PAX7: variants seen among roughly 807,000 people sequenced by gnomAD.
PAX7 encodes paired box 7.
In PAX7, 18 loss-of-function variants were observed where a neutral mutation model predicts 50.7. The ratio of observed to expected loss-of-function variants is 0.36; its 90% CI spans 0.25 to 0.53. The LOEUF (loss-of-function observed/expected upper bound fraction) is 0.53. Ranked by LOEUF, PAX7 falls within the 20% of genes least tolerant of loss-of-function variation. The pLI, the probability that PAX7 is intolerant of heterozygous loss-of-function variation, is 0.93. For synonymous variants in PAX7, 310 were observed against 290.4 expected (o/e 1.07, Z -0.69); for missense variants, 644 against 702.9 (o/e 0.92, Z 0.95).
At chr1:18,672,528 A>G (rs188289911) in intron 4 of PAX7, among the ~76,000 whole-genome samples, 1 of 151,336 alleles carries the variant, frequency 6.6e-6, no homozygotes, top group Non-Finnish European at 1.5e-5. Flanking sequence ...TCTTCCCAGG[A>G]TATGCATCCC....
At chr1:18,742,153 T>C (rs2841043) in intron 8 of PAX7, among the ~76,000 whole-genome samples, 4,711 of 56,612 alleles carry the variant, frequency 0.083, 203 homozygotes, top group South Asian at 0.17. Flanking sequence ...GGCTTCTTTT[T>C]TTTTTTTTTT....
chr1:18,733,644 G>C (rs955227556), intron 7 of PAX7, among the ~76,000 whole-genome samples: 1 of 152,156 alleles, frequency 6.6e-6, no homozygotes, highest in Admixed American at 6.5e-5. Flanking sequence ...CCAGGCAGAG[G>C]CTCTGCTCAA....
At chr1:18,682,747 A>C (rs2088917506) in intron 4 of PAX7, among the ~76,000 whole-genome samples, 1 of 152,078 alleles carries the variant, frequency 6.6e-6, no homozygotes, top group South Asian at 2.1e-4. Flanking sequence ...TGGCCTTAAG[A>C]CATTCTCGGC....
At chr1:18,734,747 C>T (rs1162236698) in intron 7 of PAX7, among the ~76,000 whole-genome samples, 1 of 152,198 alleles carries the variant, frequency 6.6e-6, no homozygotes, top group Non-Finnish European at 1.5e-5. Flanking sequence ...TCCTCCTCCT[C>T]TCCCCCGACC....
chr1:18,699,643 C>T (rs905650867), intron 5 of PAX7, among the ~76,000 whole-genome samples: 1 of 151,496 alleles, frequency 6.6e-6, no homozygotes, highest in Non-Finnish European at 1.5e-5. Flanking sequence ...TCACTGCAAG[C>T]TCTGCCTCCC....
intron 4 of PAX7, among the ~76,000 whole-genome samples, chr1:18,678,856 T>C (rs548019657): frequency 1.3e-5 from 2 of 152,258 alleles, no homozygotes; most frequent in South Asian, 4.2e-4. Context: ...TGTTTGAGCC[T>C]GTGCAGGAGA....
chr1:18,675,213 CT>C (rs1229566532), intron 4 of PAX7, among the ~76,000 whole-genome samples: 2 of 152,108 alleles, frequency 1.3e-5, no homozygotes, highest in African/African-American at 4.8e-5. Context: ...CAGCAGCCCC[CT>C]TCTTTCCTCT....
intron 4 of PAX7, among the ~76,000 whole-genome samples, chr1:18,662,936 C>T (rs1175784494): frequency 6.6e-6 from 1 of 151,814 alleles, no homozygotes; most frequent in Non-Finnish European, 1.5e-5. Context: ...ACCTCAAACA[C>T]TAAAAGAATA....
intron 7 of PAX7, among the ~76,000 whole-genome samples, chr1:18,722,920 C>T (rs1481627324): frequency 2.0e-5 from 3 of 152,192 alleles, no homozygotes; most frequent in Non-Finnish European, 2.9e-5. Context: ...TCCTACCCTT[C>T]ACCTCCTTTA....
rs188332862 is a variant in PAX7, at chr1:18,748,161, G to C, written c.*3232G>C. On this transcript the variant is annotated 3_prime_UTR_variant, in exon 9 of 9. Transcript: ENST00000420770. ...ATGGAGAGAGAGGTTTGCCCAGAAG[G>C]AAAACGAAGAGCCAGATTGAAATCT... 2.2e-3 allele frequency: 487 copies of C among 221,624 alleles called. 1 individual carries two copies. Among genetic ancestry groups the C allele is most frequent in the African/African-American group, 9.8e-3 (438 of 44,820 alleles). 13.7% of individuals were successfully genotyped at this position (221,624 alleles called of 1,614,324 possible).
chr1:18,665,123 A>G (rs1404015256), intron 4 of PAX7, among the ~76,000 whole-genome samples: 3 of 152,180 alleles, frequency 2.0e-5, no homozygotes, highest in Non-Finnish European at 4.4e-5. Flanking sequence ...CACACAGCTT[A>G]GCAGCGAGCC....
At chr1:18,694,946 A>G (rs2100304305) in intron 5 of PAX7, among the ~76,000 whole-genome samples, 1 of 152,304 alleles carries the variant, frequency 6.6e-6, no homozygotes, top group South Asian at 2.1e-4. Context: ...TACTGCTTAC[A>G]TTGTATGGCT....
chr1:18,708,321 C>T (rs2089309661), intron 7 of PAX7, among the ~76,000 whole-genome samples: 2 of 151,932 alleles, frequency 1.3e-5, no homozygotes, highest in South Asian at 2.1e-4. Flanking sequence ...TTTGGGAGGC[C>T]GAGGTGGGAG....
intron 4 of PAX7, among the ~76,000 whole-genome samples, chr1:18,641,183 A>G (rs982266462): frequency 6.6e-6 from 1 of 152,258 alleles, no homozygotes; most frequent in African/African-American, 2.4e-5. Context: ...AGGAGAGAAG[A>G]GACAGAAGGA....
intron 4 of PAX7, among the ~76,000 whole-genome samples, chr1:18,661,819 T>C (rs923003028): frequency 6.6e-6 from 1 of 152,186 alleles, no homozygotes; most frequent in Admixed American, 6.5e-5. Flanking sequence ...AGCACAGCCC[T>C]GCCCTCTGCC....
intron 7 of PAX7, among the ~76,000 whole-genome samples, chr1:18,715,677 G>T (rs764726373): frequency 2.1e-4 from 32 of 152,176 alleles, no homozygotes; most frequent in Non-Finnish European, 4.6e-4. Flanking sequence ...GCTCTTCCCT[G>T]CCTCTGTTTC....
At chr1:18,666,833 G>A (rs2088676197) in intron 4 of PAX7, among the ~76,000 whole-genome samples, 1 of 152,240 alleles carries the variant, frequency 6.6e-6, no homozygotes, top group African/African-American at 2.4e-5. Context: ...AGCATTCTCA[G>A]AGCAAACAAA....
chr1:18,695,955 G>A lies in PAX7; in HGVS notation c.786+4002G>A, dbSNP rs566769225. ...TGCTCTGTGCTTGGGGTAGGGGTGG[G>A]ATGTTCTGAACGGAAATCCCATTGT... is the stretch of plus-strand genomic sequence containing the variant. On this transcript the variant is annotated intron_variant, in intron 5 of 8. Coordinates refer to ENST00000420770, the MANE Select transcript of PAX7 (RefSeq NM_001135254.2). 4.6e-5 allele frequency among the ~76,000 whole-genome samples: 7 copies of A among 152,198 alleles called. No individual in the cohort carries two copies. In the South Asian group the frequency reaches 1.2e-3, roughly 27 times the overall value.
At position 18,636,720 on chromosome 1, in the gene PAX7, GC is replaced by G. The variant is rs1321710925; in HGVS notation, c.586+350del. On this transcript the variant is annotated intron_variant, in intron 4 of 8. Coordinates refer to ENST00000420770, the MANE Select transcript of PAX7 (RefSeq NM_001135254.2). This position sits in a 1 kb window ranked among gnomAD's most constrained non-coding sequence, Gnocchi z 5.1. ...GCTGGCGTTTTGGCTGCTACTCTCG[GC>G]GTCGATCAATTATTTATAGGAAACT... Among the ~76,000 whole-genome samples the G allele has an allele frequency of 6.6e-6, 1 of 151,946 alleles. No homozygotes were observed. Among genetic ancestry groups the G allele is most frequent in the African/African-American group, 2.4e-5 (1 of 41,348 alleles).
Sources: gnomAD v4.1 joint callset for allele counts (sites outside exome capture counted in the v4.1 genomes callset) on GRCh38, gnomAD v4.1.1 for gene constraint, Gnocchi (gnomAD v3.1) non-coding constraint, MANE v1.5 for transcripts, NCBI Gene and HGNC (gene_info 2026-07-23, HGNC 2026-07-21) for gene names.